Variants in CTNND2 observed in about 807,000 individuals in gnomAD.
CTNND2 encodes catenin delta 2.
In CTNND2, 22 loss-of-function variants were observed where a neutral mutation model predicts 144.4. The ratio of observed to expected loss-of-function variants is 0.15; its 90% CI spans 0.11 to 0.22. CTNND2 has a LOEUF of 0.22. Ranked by LOEUF, CTNND2 falls within the 10% of genes least tolerant of loss-of-function variation. CTNND2 has a pLI of 1.00. For missense variants in CTNND2, 1,353 were observed against 1,618.8 expected, an observed-to-expected ratio of 0.84 and a Z score of 2.82; for synonymous variants, 751 against 695.6, an observed-to-expected ratio of 1.08 and a Z score of -1.25.
intron 3 of CTNND2, among the ~76,000 whole-genome samples, chr5:11,556,357 T>C (rs1178021513): frequency 1.3e-5 from 2 of 152,294 alleles, no homozygotes; most frequent in South Asian, 2.1e-4. Flanking sequence ...ATTATTTCAA[T>C]ATTGTATCCT....
At chr5:11,666,723 A>G (rs530645182) in intron 2 of CTNND2, among the ~76,000 whole-genome samples, 2 of 152,158 alleles carry the variant, frequency 1.3e-5, no homozygotes, top group Non-Finnish European at 2.9e-5. Context: ...TGTAAAGTGA[A>G]TGAATTCTTC....
chr5:11,376,344 G>GTA (rs1301953371), intron 7 of CTNND2, among the ~76,000 whole-genome samples: 1 of 3,796 alleles, frequency 2.6e-4, no homozygotes, highest in African/African-American at 3.9e-4. Context: ...GTGTGTGTGT[G>GTA]TGTATTTCTT....
intron 9 of CTNND2, among the ~76,000 whole-genome samples, chr5:11,279,037 G>T (rs1746847443): frequency 6.6e-6 from 1 of 152,234 alleles, no homozygotes; most frequent in Non-Finnish European, 1.5e-5. Context: ...AATATAATTT[G>T]CTGTCAAAAC....
At chr5:11,897,733 A>AT in intron 1 of CTNND2, among the ~76,000 whole-genome samples, 1 of 152,112 alleles carries the variant, frequency 6.6e-6, no homozygotes, top group Non-Finnish European at 1.5e-5. Context: ...TACCTTGATA[A>AT]CTCTTGATGT....
At chr5:11,562,244 A>G (rs986542208) in intron 3 of CTNND2, among the ~76,000 whole-genome samples, 3 of 152,208 alleles carry the variant, frequency 2.0e-5, no homozygotes, top group Non-Finnish European at 4.4e-5. Flanking sequence ...ATTAAGAGGT[A>G]TGAATCAACA....
chr5:11,706,051 C>T (rs1785676621), intron 2 of CTNND2, among the ~76,000 whole-genome samples: 1 of 152,186 alleles, frequency 6.6e-6, no homozygotes, highest in Admixed American at 6.5e-5. Context: ...AAAGTAGCTT[C>T]CAGCCTTGAG....
intron 2 of CTNND2, among the ~76,000 whole-genome samples, chr5:11,614,223 G>T (rs752754300): frequency 3.9e-5 from 6 of 152,120 alleles, no homozygotes; most frequent in Non-Finnish European, 8.8e-5. Flanking sequence ...CACCTTTTAT[G>T]TAGAGACTAT....
rs181502664 is a variant in CTNND2, at chr5:11,514,468, T to C, written c.287+50476A>G. ...ATTAATATGTTTAAGAGCATGAATG[T>C]AATACAAATATTTAACGATTTAAAA... On this transcript the variant is annotated intron_variant, in intron 3 of 21. Coordinates refer to ENST00000304623, the MANE Select transcript of CTNND2 (RefSeq NM_001332.4). Among the ~76,000 whole-genome samples the C allele has an allele frequency of 2.3e-3, 345 of 152,328 alleles. 2 individuals carry two copies. The highest frequency in any genetic ancestry group is 7.9e-3 in the African/African-American group (327 of 41,578).
intron 3 of CTNND2, among the ~76,000 whole-genome samples, chr5:11,517,830 T>C (rs1305741728): frequency 6.6e-6 from 1 of 151,730 alleles, no homozygotes; most frequent in East Asian, 1.9e-4. Context: ...AAAAATAAAA[T>C]ACATAAGAAA....
At chr5:11,776,911 A>C (rs1790285699) in intron 1 of CTNND2, among the ~76,000 whole-genome samples, 1 of 152,222 alleles carries the variant, frequency 6.6e-6, no homozygotes, top group Non-Finnish European at 1.5e-5. Context: ...TCCCATAATA[A>C]ATCATTAGGC....
At chr5:11,558,816 A>G (rs899521867) in intron 3 of CTNND2, among the ~76,000 whole-genome samples, 4 of 152,154 alleles carry the variant, frequency 2.6e-5, no homozygotes, top group African/African-American at 9.7e-5. Flanking sequence ...TCTATGTGGC[A>G]TTGTGAAGAT....
intron 16 of CTNND2, among the ~76,000 whole-genome samples, chr5:11,027,476 A>G (rs1299715774): frequency 2.0e-5 from 3 of 151,992 alleles, no homozygotes; most frequent in East Asian, 1.9e-4. Flanking sequence ...AACAATGACT[A>G]TATGTCTGAT....
chr5:11,484,698 G>C (rs1241234540), intron 3 of CTNND2, among the ~76,000 whole-genome samples: 1 of 152,132 alleles, frequency 6.6e-6, no homozygotes, highest in Non-Finnish European at 1.5e-5. Flanking sequence ...AAGAATGGCA[G>C]AAAGTTTCCA....
In CTNND2 at chr5:11,818,386, C is replaced by CT. The variant is rs543988919; in HGVS notation, c.37+85430dup. On this transcript the variant is annotated intron_variant, in intron 1 of 21. Transcript: ENST00000304623. Reference sequence around the variant, plus strand: ...CTGTATATGCGTTTTTTCTTCTTTTCTTTTTTTTTTTCCTCGCTGTCACCC... The same window carrying CT: ...CTGTATATGCGTTTTTTCTTCTTTTCTTTTTTTTTTTTCCTCGCTGTCACCC... 6.0e-3 allele frequency among the ~76,000 whole-genome samples: 876 copies of CT among 146,344 alleles called. 13 individuals carry two copies. Among genetic ancestry groups the CT allele is most frequent in the African/African-American group, 0.018 (739 of 40,132 alleles).
At chr5:11,303,035 T>TATA (rs1184249317) in intron 9 of CTNND2, among the ~76,000 whole-genome samples, 1 of 152,194 alleles carries the variant, frequency 6.6e-6, no homozygotes, top group Non-Finnish European at 1.5e-5. Flanking sequence ...CCTCAGCACA[T>TATA]GGTGCCTCCT....
intron 16 of CTNND2, among the ~76,000 whole-genome samples, chr5:11,026,979 G>C (rs1448191684): frequency 6.6e-6 from 1 of 152,114 alleles, no homozygotes; most frequent in Non-Finnish European, 1.5e-5. Flanking sequence ...TAAATTGAAT[G>C]TTATTTTTCC....
At chr5:11,637,007 C>A (rs1384706854) in intron 2 of CTNND2, among the ~76,000 whole-genome samples, 2 of 151,846 alleles carry the variant, frequency 1.3e-5, no homozygotes, top group Non-Finnish European at 2.9e-5. Flanking sequence ...AGGTTACCAG[C>A]ATGAAAAGGA....
At chr5:11,052,678 C>T (rs1160731432) in intron 16 of CTNND2, among the ~76,000 whole-genome samples, 1 of 152,120 alleles carries the variant, frequency 6.6e-6, no homozygotes, top group African/African-American at 2.4e-5. Context: ...TGAGTGCTGT[C>T]CCCCTTACCA....
At chr5:11,130,755 C>G (rs542540074) in intron 12 of CTNND2, among the ~76,000 whole-genome samples, 1 of 152,110 alleles carries the variant, frequency 6.6e-6, no homozygotes, top group Non-Finnish European at 1.5e-5. Flanking sequence ...CATGACCGGA[C>G]GACGTCTCAA....
Sources: gnomAD v4.1 joint callset for allele counts (sites outside exome capture counted in the v4.1 genomes callset) on GRCh38, gnomAD v4.1.1 for gene constraint, MANE v1.5 for transcripts, NCBI Gene and HGNC (gene_info 2026-07-23, HGNC 2026-07-21) for gene names.